Variants in RAB3GAP2 observed in about 807,000 individuals in gnomAD.
The protein encoded by RAB3GAP2 is rab3 GTPase-activating protein non-catalytic subunit.
A neutral mutation model predicts 185.3 loss-of-function variants in RAB3GAP2; 87 were observed. The observed-to-expected ratio is 0.47, with a 90% CI of 0.39 to 0.56. The LOEUF (loss-of-function observed/expected upper bound fraction) is 0.56, where lower values mean the gene tolerates loss of function less well. Ranked by LOEUF, RAB3GAP2 falls within the 20% of genes least tolerant of loss-of-function variation. The pLI is 0.00. For missense variants in RAB3GAP2, 1,492 were observed against 1,638.2 expected (o/e 0.91, Z 1.54); for synonymous variants, 554 against 576.1 (o/e 0.96, Z 0.55).
chr1:220,247,061 A>G (rs1362351841), intron 1 of RAB3GAP2, among the ~76,000 whole-genome samples: 2 of 152,174 alleles, frequency 1.3e-5, no homozygotes, highest in Non-Finnish European at 2.9e-5. Flanking sequence ...AAAAAATACC[A>G]CCTCACTACT....
chr1:220,204,588 A>ATT lies in RAB3GAP2; in HGVS notation c.712+1317_712+1318dup, dbSNP rs149901247. On this transcript the variant is annotated intron_variant, in intron 8 of 34. Coordinates refer to ENST00000358951, the MANE Select transcript of RAB3GAP2 (RefSeq NM_012414.4). ...GTTAGTGCTACTAATATTTTCACTG[A>ATT]TTTTTTTTTATTATATTTTAAGTTT... Among the ~76,000 whole-genome samples, 305 of 151,652 alleles carry ATT rather than the reference A, an allele frequency of 2.0e-3. 7 individuals carry two copies. The East Asian group carries it at 0.051, about 25-fold the overall frequency.
chr1:220,191,075 G>A lies in RAB3GAP2; in HGVS notation c.1480C>T (p.His494Tyr). ...PRVGAFNVGK[H>Y]CRLLYPGYKI... is the part of the protein sequence containing the mutation. ...CCAGCATTTGCAGCTTACCTGCAGTGCTTCCCCACATTGAAAGCTCCTACT... is the reference window on the plus strand; with the variant it reads ...CCAGCATTTGCAGCTTACCTGCAGTACTTCCCCACATTGAAAGCTCCTACT... Residue 494 changes from histidine to tyrosine, a missense_variant, in exon 14 of 35, where the codon CAC becomes TAC. This residue lies in a region of RAB3GAP2 where 681 missense variants were observed against 689.1 expected (regional missense o/e 0.99). Coordinates refer to ENST00000358951, the MANE Select transcript of RAB3GAP2 (RefSeq NM_012414.4). 6.2e-7 allele frequency: 1 copy of A among 1,613,204 alleles called. No individual in the cohort carries two copies. Among genetic ancestry groups the A allele is most frequent in the Non-Finnish European group, 8.5e-7 (1 of 1,179,516 alleles).
intron 7 of RAB3GAP2, among the ~76,000 whole-genome samples, chr1:220,209,229 G>T (rs1417245505): frequency 6.6e-6 from 1 of 152,040 alleles, no homozygotes; most frequent in Non-Finnish European, 1.5e-5. Context: ...CTCATTTCCT[G>T]AATCAACTCT....
chr1:220,262,195 A>G (rs1660153763), intron 1 of RAB3GAP2, among the ~76,000 whole-genome samples: 1 of 151,340 alleles, frequency 6.6e-6, no homozygotes, highest in Admixed American at 6.6e-5. Context: ...CAGCTACTCG[A>G]GAGGCTGAGG....
In RAB3GAP2 at chr1:220,212,914, C is replaced by A. The variant is rs1336134317; in HGVS notation, c.359G>T (p.Trp120Leu). ...TTCTTCGACATTTAAGGAACCACTC[C>A]AGCCAACAGCAAATTGCATTTCTTC... Reference protein sequence around the residue: ...GKEEMQFAVGWSGSLNVEEGE... With the variant: ...GKEEMQFAVGLSGSLNVEEGE... The change falls in exon 4 of 35, where the codon TGG becomes TTG. Residue 120 changes from tryptophan (W) to leucine (L), a missense_variant. Around this residue, in one of 5 missense-constraint regions of RAB3GAP2, gnomAD observed 177 missense variants for 160.6 expected, o/e 1.10. Coordinates refer to ENST00000358951, the MANE Select transcript of RAB3GAP2 (RefSeq NM_012414.4). 1.2e-6 allele frequency: 2 copies of A among 1,613,606 alleles called. No individual in the cohort carries two copies. The highest frequency in any genetic ancestry group is 1.7e-6 in the Non-Finnish European group (2 of 1,179,718).
chr1:220,223,326 T>C lies in RAB3GAP2; in HGVS notation c.181-9347A>G, dbSNP rs141819446. Among the ~76,000 whole-genome samples, 3 of 152,180 alleles carry C rather than the reference T, an allele frequency of 2.0e-5. No homozygotes were observed. In the East Asian group the frequency reaches 5.8e-4, roughly 29 times the overall value. On this transcript the variant is annotated intron_variant, in intron 2 of 34. Transcript: ENST00000358951. ...TAGTTGGATAAACAATACTAGTAAA[T>C]AAGAAATAACTCTCACTCAATATAA...
In RAB3GAP2 at chr1:220,192,340, G is replaced by A. The variant is rs1471817361; in HGVS notation, c.1270+900C>T. On this transcript the variant is annotated intron_variant, in intron 13 of 34. Coordinates refer to ENST00000358951, the MANE Select transcript of RAB3GAP2 (RefSeq NM_012414.4). The stretch of plus-strand genomic sequence containing the variant: ...GATAGTGGCTTCAATCTGGTCCAGA[G>A]TAATTGAATGACCTCAATCCATTCA... Among the ~76,000 whole-genome samples, 6 of 129,408 alleles carry A rather than the reference G, an allele frequency of 4.6e-5. No homozygotes were observed. The South Asian group carries it at 1.5e-3, about 32-fold the overall frequency. The allele number at this position is 129,408 out of a possible 152,430, so 84.9% of individuals were successfully genotyped here.
intron 2 of RAB3GAP2, among the ~76,000 whole-genome samples, chr1:220,230,238 A>G (rs182366758): frequency 1.8e-4 from 27 of 152,162 alleles, no homozygotes; most frequent in African/African-American, 5.3e-4. Flanking sequence ...TAATCCACAG[A>G]CTCAGTAAAA....
intron 1 of RAB3GAP2, among the ~76,000 whole-genome samples, chr1:220,249,408 CTGCCCTAGAGGT>C (rs965109714): frequency 6.6e-6 from 1 of 152,190 alleles, no homozygotes; most frequent in Admixed American, 6.5e-5. Flanking sequence ...CATTTTGCCC[CTGCCCTAGAGGT>C]TGGTGGAATT....
In RAB3GAP2 at chr1:220,235,934, G is replaced by C. The variant is rs139384234; in HGVS notation, c.116-3071C>G. 5.0e-3 allele frequency among the ~76,000 whole-genome samples: 759 copies of C among 152,244 alleles called. 3 individuals carry two copies. The highest frequency in any genetic ancestry group is 0.017 in the African/African-American group (716 of 41,552). ...ACTGGAAAGCTTCTTTCAACAAAAA[G>C]GAAAGAGAATTTAATTGGGCATCTT... On this transcript the variant is annotated intron_variant, in intron 1 of 34. Transcript: ENST00000358951.
chr1:220,272,265 G>A lies in RAB3GAP2; in HGVS notation c.73C>T (p.Leu25=), dbSNP rs774972905. 3.7e-6 allele frequency: 6 copies of A among 1,612,026 alleles called. No homozygotes were observed. Among genetic ancestry groups the A allele is most frequent in the Non-Finnish European group, 5.1e-6 (6 of 1,179,552 alleles). Residue 25 remains leucine (L), a synonymous_variant, in exon 1 of 35, where the codon CTG becomes TTG. Transcript: ENST00000358951. ...GCGCCGCTGAGGATCTCCTCCCGCA[G>A]GTGAGGAAAGAGGAAGTCCCGGGCG... The part of the protein sequence containing the change: ...QAARDFLFPH[L]REEILSGALR...
chr1:220,159,358 T>C lies in RAB3GAP2; in HGVS notation c.3261+28A>G, dbSNP rs1336121989. On this transcript the variant is annotated intron_variant, in intron 29 of 34. Coordinates refer to ENST00000358951, the MANE Select transcript of RAB3GAP2 (RefSeq NM_012414.4). The stretch of plus-strand genomic sequence containing the variant: ...CATAAAAGTGTGGAATTAACAACCA[T>C]AATTCTAGCTATGGGAGATTCACTT... 6.3e-6 allele frequency: 10 copies of C among 1,587,186 alleles called. No homozygotes were observed. The South Asian group carries it at 8.9e-5, about 14-fold the overall frequency.
intron 17 of RAB3GAP2, among the ~76,000 whole-genome samples, chr1:220,188,696 G>A (rs1008276168): frequency 4.6e-5 from 7 of 152,110 alleles, no homozygotes; most frequent in African/African-American, 1.7e-4. Context: ...AGGTATAAAC[G>A]CCAGAGAGAC....
At chr1:220,267,780 C>T in intron 1 of RAB3GAP2, 4 of 1,508,678 alleles carry the variant, frequency 2.7e-6, no homozygotes, top group Middle Eastern at 3.4e-4. Context: ...ACACAAGACC[C>T]ACTGAGCCTG....
chr1:220,183,205 T>C lies in RAB3GAP2; in HGVS notation c.1999-274A>G, dbSNP rs184348910. 1.1e-3 allele frequency among the ~76,000 whole-genome samples: 162 copies of C among 152,144 alleles called. 1 individual carries two copies. In the Middle Eastern group the frequency reaches 0.017, roughly 16 times the overall value. On this transcript the variant is annotated intron_variant, in intron 19 of 34. Coordinates refer to ENST00000358951, the MANE Select transcript of RAB3GAP2 (RefSeq NM_012414.4). ...AGAAATGGTATTAAAAGTACCATTT[T>C]AGGATATTTCTTGAGGGTACTTTAT...
intron 2 of RAB3GAP2, among the ~76,000 whole-genome samples, chr1:220,231,892 A>G (rs1374161935): frequency 6.6e-6 from 1 of 152,240 alleles, no homozygotes; most frequent in Admixed American, 6.5e-5. Context: ...AAGTAGACAG[A>G]ATGAAATAAC....
rs753009542 is a variant in RAB3GAP2, at chr1:220,213,941, G to T, written c.219C>A (p.Ser73=). The change falls in exon 3 of 35, where the codon TCC becomes TCA. Residue 73 remains serine (S), a synonymous_variant. Transcript: ENST00000358951. The part of the protein sequence containing the change: ...EGNTCKTQKT[S]WLQDCVLSLS... ...AGGATAAAACACAATCTTGGAGCCA[G>T]GAAGTTTTTTGTGTTTTGCAAGTAT... 1.9e-6 allele frequency: 3 copies of T among 1,613,268 alleles called. No homozygotes were observed. Among genetic ancestry groups the T allele is most frequent in the Non-Finnish European group, 2.5e-6 (3 of 1,179,460 alleles).
intron 2 of RAB3GAP2, among the ~76,000 whole-genome samples, chr1:220,231,515 C>A (rs937039687): frequency 1.3e-5 from 2 of 151,934 alleles, no homozygotes; most frequent in Non-Finnish European, 2.9e-5. Context: ...ATCTAATATT[C>A]ATTCTTCTTT....
intron 2 of RAB3GAP2, among the ~76,000 whole-genome samples, chr1:220,230,938 C>T (rs1322758214): frequency 6.6e-6 from 1 of 152,106 alleles, no homozygotes; most frequent in African/African-American, 2.4e-5. Flanking sequence ...AGAATTCATC[C>T]ATTTCTCATC....
Sources: allele counts gnomAD v4.1 joint callset (sites outside exome capture counted in the v4.1 genomes callset), GRCh38; gene constraint gnomAD v4.1.1; regional missense constraint gnomAD v4.1.1; transcripts MANE v1.5; gene names NCBI Gene and HGNC (gene_info 2026-07-23, HGNC 2026-07-21).